Variants in KCNQ1 observed in about 807,000 individuals in gnomAD.
KCNQ1 encodes potassium voltage-gated channel subfamily Q member 1, also known as potassium voltage-gated channel subfamily KQT member 1.
Under a neutral mutation model 72.4 loss-of-function variants are expected in KCNQ1, and 49 were observed. The ratio of observed to expected loss-of-function variants is 0.68; its 90% CI spans 0.54 to 0.86. KCNQ1 has a LOEUF of 0.86. Ranked by LOEUF, KCNQ1 falls within the 40% of genes least tolerant of loss-of-function variation. KCNQ1 has a pLI of 0.00. For missense variants in KCNQ1, 790 were observed against 945.1 expected, an observed-to-expected ratio of 0.84 and a Z score of 2.15; for synonymous variants, 450 against 412.6, an observed-to-expected ratio of 1.09 and a Z score of -1.10.
chr11:2,463,463 G>A lies in KCNQ1; in HGVS notation c.386+17979G>A, dbSNP rs1296188152. 6.6e-6 allele frequency among the ~76,000 whole-genome samples: 1 copy of A among 152,150 alleles called. No homozygotes were observed. Among genetic ancestry groups the A allele is most frequent in the Non-Finnish European group, 1.5e-5 (1 of 68,010 alleles). On this transcript the variant is annotated intron_variant, in intron 1 of 15. Coordinates refer to ENST00000155840, the MANE Select transcript of KCNQ1 (RefSeq NM_000218.3). This position sits in a 1 kb window ranked among gnomAD's most constrained non-coding sequence, Gnocchi z 7.0. ...CTGGTTGTCCTTGGTGCAGGTGGCG[G>A]GCGGGGCTGGGGGGCTCTGTAGCCT...
intron 1 of KCNQ1, among the ~76,000 whole-genome samples, chr11:2,452,765 A>G (rs968406146): frequency 1.4e-4 from 22 of 152,208 alleles, no homozygotes; most frequent in African/African-American, 5.3e-4. Flanking sequence ...CAGATCACCA[A>G]TGGAACAGCT....
At chr11:2,554,757 G>A (rs1051178744) in intron 2 of KCNQ1, among the ~76,000 whole-genome samples, 2 of 152,260 alleles carry the variant, frequency 1.3e-5, no homozygotes, top group Admixed American at 6.5e-5. Flanking sequence ...TGACTCTCCC[G>A]TTTACTGTGT....
At chr11:2,561,124 C>A (rs1332688954) in intron 2 of KCNQ1, among the ~76,000 whole-genome samples, 1 of 150,902 alleles carries the variant, frequency 6.6e-6, no homozygotes, top group East Asian at 2.0e-4. Context: ...ATGGTGTGAA[C>A]CCCAGGGGGT....
Position 2,559,284 on chromosome 11 carries a change from G to A in KCNQ1, c.478-11344G>A, listed in dbSNP as rs571416998. Among the ~76,000 whole-genome samples, 2 of 152,328 alleles carry A rather than the reference G, an allele frequency of 1.3e-5. No homozygotes were observed. The highest frequency in any genetic ancestry group is 2.4e-5 in the African/African-American group (1 of 41,574). ...TGGAATCAGTCCTGGGGCCTGGAGGGTCGTAGAGAAATGTGTGAACATGGC... is the reference window on the plus strand; with the variant it reads ...TGGAATCAGTCCTGGGGCCTGGAGGATCGTAGAGAAATGTGTGAACATGGC... On this transcript the variant is annotated intron_variant, in intron 2 of 15. Coordinates refer to ENST00000155840, the MANE Select transcript of KCNQ1 (RefSeq NM_000218.3). This position sits in a 1 kb window ranked among gnomAD's most constrained non-coding sequence, Gnocchi z 4.9.
rs564345997 is a variant in KCNQ1 at position 2,493,591 on chromosome 11, A to G, written c.387-34337A>G. Among the ~76,000 whole-genome samples, 3 of 152,202 alleles carry G rather than the reference A, an allele frequency of 2.0e-5. No homozygotes were observed. Among genetic ancestry groups the G allele is most frequent in the Non-Finnish European group, 1.5e-5 (1 of 68,040 alleles). The stretch of plus-strand genomic sequence containing the variant: ...ATGACTAGCCAGTTTTCCCAGCACC[A>G]TTTATTAAATAGAGAATCCTTTCCG... On this transcript the variant is annotated intron_variant, in intron 1 of 15. Transcript: ENST00000155840. The surrounding 1 kb of genome is among the most constrained non-coding windows in gnomAD (Gnocchi z 5.3).
intron 11 of KCNQ1, among the ~76,000 whole-genome samples, chr11:2,736,748 TG>T (rs1409521631): frequency 6.6e-6 from 1 of 152,240 alleles, no homozygotes; most frequent in African/African-American, 2.4e-5. Context: ...CATCTGCAGC[TG>T]GTATGCGGCT....
At chr11:2,758,981 C>T (rs1044448835) in intron 11 of KCNQ1, among the ~76,000 whole-genome samples, 4 of 152,140 alleles carry the variant, frequency 2.6e-5, no homozygotes, top group African/African-American at 9.7e-5. Flanking sequence ...TGAATCTGCA[C>T]GTGTGAACAC....
intron 2 of KCNQ1, among the ~76,000 whole-genome samples, chr11:2,534,795 T>C (rs1847702931): frequency 6.6e-6 from 1 of 152,248 alleles, no homozygotes; most frequent in African/African-American, 2.4e-5. Context: ...CTGGCAGGGT[T>C]GTTTCCGCCT....
chr11:2,696,495 C>T, intron 11 of KCNQ1: 1 of 398,664 alleles, frequency 2.5e-6, no homozygotes, highest in Non-Finnish European at 4.4e-6. Context: ...CTGGTATCTG[C>T]CAGCAGAAGT....
chr11:2,580,998 C>T (rs1848491027), intron 6 of KCNQ1, among the ~76,000 whole-genome samples: 2 of 152,190 alleles, frequency 1.3e-5, no homozygotes, highest in African/African-American at 2.4e-5. Flanking sequence ...CCAGCCCAGG[C>T]ACAGGTCTGA....
intron 15 of KCNQ1, among the ~76,000 whole-genome samples, chr11:2,847,368 A>C (rs1422472673): frequency 6.6e-6 from 1 of 152,224 alleles, no homozygotes; most frequent in Non-Finnish European, 1.5e-5. Flanking sequence ...TCAAGAAGCC[A>C]AAGGCTGCCG....
rs727503104 is a variant in KCNQ1 at position 2,847,762 on chromosome 11, C to T, written c.1795-5C>T. On this transcript the variant is annotated splice_region_variant and splice_polypyrimidine_tract_variant and intron_variant, in intron 15 of 15. Coordinates refer to ENST00000155840, the MANE Select transcript of KCNQ1 (RefSeq NM_000218.3). ...TGACTCTCTCGTCTGCCTTTGTCCC[C>T]GCAGGTGACGCAGCTGGACCAGAGG... 1.0e-5 allele frequency: 16 copies of T among 1,572,072 alleles called. No individual in the cohort carries two copies. The highest frequency in any genetic ancestry group is 1.2e-5 in the Non-Finnish European group (14 of 1,158,264).
chr11:2,688,290 A>G, intron 11 of KCNQ1: 2 of 398,748 alleles, frequency 5.0e-6, no homozygotes. Context: ...GACAAGGAAA[A>G]TGAAGACTCT....
At position 2,718,969 on chromosome 11, in the gene KCNQ1, C is replaced by T. The variant is rs532689634; in HGVS notation, c.1515-49875C>T. Among the ~76,000 whole-genome samples the T allele has an allele frequency of 2.6e-5, 4 of 152,376 alleles. No homozygotes were observed. In the East Asian group the frequency reaches 5.8e-4, roughly 22 times the overall value. ...GCTATTCCAAGAGTTACTGAATCCC[C>T]ACCCTGGGGTGAAGGCTTGGCGTCT... On this transcript the variant is annotated intron_variant, in intron 11 of 15. Coordinates refer to ENST00000155840, the MANE Select transcript of KCNQ1 (RefSeq NM_000218.3).
At chr11:2,811,237 CT>C (rs1847479514) in intron 15 of KCNQ1, among the ~76,000 whole-genome samples, 1 of 152,264 alleles carries the variant, frequency 6.6e-6, no homozygotes, top group Non-Finnish European at 1.5e-5. Context: ...CCCACGACCC[CT>C]GTCCGGCTTC....
rs1405662153 is a variant in KCNQ1, at chr11:2,602,489, AC to A, written c.1393+13637del. On this transcript the variant is annotated intron_variant, in intron 10 of 15. Transcript: ENST00000155840. This position sits in a 1 kb window ranked among gnomAD's most constrained non-coding sequence, Gnocchi z 4.8. Reference sequence around the variant, plus strand: ...TGCATGTTTAGTTTTATAAGAAACTACCAAACTGATTTTCCAGAGTGACTGC... The same window carrying A: ...TGCATGTTTAGTTTTATAAGAAACTACAAACTGATTTTCCAGAGTGACTGC... Among the ~76,000 whole-genome samples the A allele has an allele frequency of 1.3e-5, 2 of 152,230 alleles. No homozygotes were observed. Among genetic ancestry groups the A allele is most frequent in the Non-Finnish European group, 2.9e-5 (2 of 68,036 alleles).
At chr11:2,650,733 A>C (rs1849744150) in intron 10 of KCNQ1, 2 of 398,466 alleles carry the variant, frequency 5.0e-6, no homozygotes, top group Non-Finnish European at 8.8e-6. Context: ...ATGCTATTGG[A>C]ATTTGGCTCA....
At position 2,537,205 on chromosome 11, in the gene KCNQ1, T is replaced by C. The variant is rs1847746977; in HGVS notation, c.477+9187T>C. On this transcript the variant is annotated intron_variant, in intron 2 of 15. Transcript: ENST00000155840. This position sits in a 1 kb window ranked among gnomAD's most constrained non-coding sequence, Gnocchi z 5.2. ...GCTCCCTGTGTGTGTAAATAAAGCT[T>C]TATTAGCACACAGCACCACATACTT... Among the ~76,000 whole-genome samples, 1 of 151,844 alleles carries C rather than the reference T, an allele frequency of 6.6e-6. No individual in the cohort carries two copies. Among genetic ancestry groups the C allele is most frequent in the African/African-American group, 2.4e-5 (1 of 41,208 alleles).
In KCNQ1 at chr11:2,653,535, C is replaced by CTCTTGCACTCCCCTTCTCCCT. The variant is rs1849790322; in HGVS notation, c.1394-8423_1394-8403dup. On this transcript the variant is annotated intron_variant, in intron 10 of 15. Coordinates refer to ENST00000155840, the MANE Select transcript of KCNQ1 (RefSeq NM_000218.3). This position sits in a 1 kb window ranked among gnomAD's most constrained non-coding sequence, Gnocchi z 5.3. The stretch of plus-strand genomic sequence containing the variant: ...CTTGCTCACTTGCTCTCACTCTCCC[C>CTCTTGCACTCCCCTTCTCCCT]TCTTGCACTCCCCTTCTCCCTTCCC... 2.5e-6 allele frequency: 1 copy of CTCTTGCACTCCCCTTCTCCCT among 398,776 alleles called. No homozygotes were observed. The highest frequency in any genetic ancestry group is 2.1e-5 in the African/African-American group (1 of 48,642). The allele number at this position is 398,776 out of a possible 1,614,324, so 24.7% of individuals were successfully genotyped here. A position where few individuals can be genotyped will look rare whatever the true frequency, so the allele number is the denominator to read the frequency against.
Sources: allele counts gnomAD v4.1 joint callset (sites outside exome capture counted in the v4.1 genomes callset), GRCh38; gene constraint gnomAD v4.1.1; non-coding constraint Gnocchi (gnomAD v3.1); transcripts MANE v1.5; gene names NCBI Gene and HGNC (gene_info 2026-07-23, HGNC 2026-07-21).